ABCC3: variants seen among roughly 807,000 people sequenced by gnomAD.
The protein encoded by ABCC3 is ATP-binding cassette sub-family C member 3.
In ABCC3, 121 loss-of-function variants were observed where a neutral mutation model predicts 165.3. The observed-to-expected ratio is 0.73, with a 90% confidence interval of 0.63 to 0.85. The LOEUF (loss-of-function observed/expected upper bound fraction) is 0.85, where lower values mean the gene tolerates loss of function less well. ABCC3 is among the 40% of genes least tolerant of loss of function. The pLI, the probability that ABCC3 is intolerant of heterozygous loss-of-function variation, is 0.00. For synonymous variants in ABCC3, 733 were observed against 810.1 expected, an observed-to-expected ratio of 0.90 and a Z score of 1.62; for missense variants, 1,869 against 1,964.1, an observed-to-expected ratio of 0.95 and a Z score of 0.92.
Position 50,663,875 on chromosome 17 carries a change from C to T in ABCC3, c.1176+17C>T. 2 of 1,614,152 alleles carry T rather than the reference C, an allele frequency of 1.2e-6. No homozygotes were observed. Among genetic ancestry groups the T allele is most frequent in the East Asian group, 4.5e-5 (2 of 44,884 alleles). ...TACAGGAAGGTCAGCTGGAGCAGGG[C>T]CCAGGGGAAAGGCTGGCCCTGGGCA... On this transcript the variant is annotated intron_variant, in intron 9 of 30. Coordinates refer to ENST00000285238, the MANE Select transcript of ABCC3 (RefSeq NM_003786.4).
rs751830191 is a variant in ABCC3, at chr17:50,684,757, G to T, written c.4162G>T (p.Gly1388Cys). The T allele has an allele frequency of 1.2e-6, 2 of 1,614,106 alleles. No homozygotes were observed. The highest frequency in any genetic ancestry group is 2.2e-5 in the South Asian group (2 of 91,080). Reference protein sequence around the residue: ...GTLRMNLDPFGSYSEEDIWWA... With the variant: ...GTLRMNLDPFCSYSEEDIWWA... ...CCTGCGCATGAACCTGGACCCCTTCGGCAGCTACTCAGAGGAGGACATTTG... is the reference window on the plus strand; with the variant it reads ...CCTGCGCATGAACCTGGACCCCTTCTGCAGCTACTCAGAGGAGGACATTTG... The change falls in exon 29 of 31, where the codon GGC becomes TGC. Residue 1388 changes from glycine (G) to cysteine (C), a missense_variant. Coordinates refer to ENST00000285238, the MANE Select transcript of ABCC3 (RefSeq NM_003786.4).
intron 1 of ABCC3, among the ~76,000 whole-genome samples, chr17:50,653,758 G>GAAA (rs57247095): frequency 3.0e-5 from 4 of 132,302 alleles, no homozygotes; most frequent in Admixed American, 7.6e-5. Flanking sequence ...CATCTCAAAA[G>GAAA]AAAAAAAAAA....
intron 29 of ABCC3, among the ~76,000 whole-genome samples, chr17:50,685,113 A>G (rs951426724): frequency 3.9e-5 from 6 of 152,220 alleles, no homozygotes; most frequent in African/African-American, 1.2e-4. Context: ...ACTGAGGCTC[A>G]GAGATGGTAA....
intron 26 of ABCC3, among the ~76,000 whole-genome samples, chr17:50,682,998 G>A (rs959180779): frequency 6.6e-6 from 1 of 152,106 alleles, no homozygotes; most frequent in African/African-American, 2.4e-5. Context: ...GAGGCTAGGA[G>A]TTCGAGACCA....
Position 50,688,202 on chromosome 17 carries a change from G to A in ABCC3, c.4475+472G>A, listed in dbSNP as rs541463398. ...TGGGATTACAGGCGTGAGCCACTGCGCCCAGCTTCAACAATGACATTTTCT... is the reference window on the plus strand; with the variant it reads ...TGGGATTACAGGCGTGAGCCACTGCACCCAGCTTCAACAATGACATTTTCT... On this transcript the variant is annotated intron_variant, in intron 30 of 30. Transcript: ENST00000285238. 4.6e-5 allele frequency among the ~76,000 whole-genome samples: 7 copies of A among 152,092 alleles called. No individual in the cohort carries two copies. The East Asian group carries it at 5.8e-4, about 13-fold the overall frequency.
rs1967461984 is a variant in ABCC3 at position 50,663,960 on chromosome 17, T to C, written c.1187T>C (p.Ile396Thr). The C allele has an allele frequency of 1.2e-6, 2 of 1,614,160 alleles. No individual in the cohort carries two copies. Among genetic ancestry groups the C allele is most frequent in the Non-Finnish European group, 1.7e-6 (2 of 1,180,038 alleles). The change falls in exon 10 of 31, where the codon ATC becomes ACC. Residue 396 changes from isoleucine to threonine, a missense_variant. By Grantham distance (89) the Ile-to-Thr change is moderately conservative (BLOSUM62 -1). Coordinates refer to ENST00000285238, the MANE Select transcript of ABCC3 (RefSeq NM_003786.4). The part of the protein sequence containing the change: ...MGVIYRKALV[I>T]TNSVKRASTV... ...ACTGTCTACCTGCAGGCTCTGGTTA[T>C]CACCAACTCAGTCAAACGTGCGTCC...
chr17:50,691,334 T>C lies in ABCC3; in HGVS notation c.*134T>C. The stretch of plus-strand genomic sequence containing the variant: ...AAGATTTTGCACCTGTAAAGTGCCT[T>C]ACAGGGTAACTGTGCTGAATGCTTT... On this transcript the variant is annotated 3_prime_UTR_variant, in exon 31 of 31. Transcript: ENST00000285238. The C allele has an allele frequency of 1.5e-6, 1 of 672,602 alleles. No individual in the cohort carries two copies. The highest frequency in any genetic ancestry group is 1.7e-5 in the South Asian group (1 of 58,194). The allele number at this position is 672,602 out of a possible 1,614,324, so 41.7% of individuals were successfully genotyped here. A position where few individuals can be genotyped will look rare whatever the true frequency, so the allele number is the denominator to read the frequency against.
At chr17:50,675,585 G>A in intron 20 of ABCC3, 46 bp from the exon 21 acceptor site, 1 of 1,560,510 alleles carries the variant, frequency 6.4e-7, no homozygotes, top group Non-Finnish European at 8.7e-7. Flanking sequence ...CTGTCCTGGG[G>A]GGTGCTTGAG....
chr17:50,656,032 C>G (rs770387583), intron 2 of ABCC3, 24 bp downstream of exon 2: 1 of 1,605,522 alleles, frequency 6.2e-7, no homozygotes, highest in Admixed American at 1.7e-5. Context: ...GGATCTCCTA[C>G]CGATGGGGCT....
chr17:50,666,471 CA>C (rs367972689), intron 11 of ABCC3, among the ~76,000 whole-genome samples: 2,142 of 148,960 alleles, frequency 0.014, 48 homozygotes, highest in African/African-American at 0.05. Flanking sequence ...AACTCCGTCT[CA>C]AAAAAAAAAG....
At position 50,691,458 on chromosome 17, in the gene ABCC3, G is replaced by A. The variant is rs138342952; in HGVS notation, c.*258G>A. 10 of 400,756 alleles carry A rather than the reference G, an allele frequency of 2.5e-5. No homozygotes were observed. Among genetic ancestry groups the A allele is most frequent in the African/African-American group, 4.0e-5 (2 of 49,736 alleles). The allele number at this position is 400,756 out of a possible 1,614,324, so 24.8% of individuals were successfully genotyped here. On this transcript the variant is annotated 3_prime_UTR_variant, in exon 31 of 31. Coordinates refer to ENST00000285238, the MANE Select transcript of ABCC3 (RefSeq NM_003786.4). The stretch of plus-strand genomic sequence containing the variant: ...CCCCGGTCTCCCGATTCCCAACTGA[G>A]TGTTATTTGCACACTGCACTGTTTT...
intron 8 of ABCC3, among the ~76,000 whole-genome samples, chr17:50,662,653 A>AG (rs1319628510): frequency 6.6e-6 from 1 of 150,450 alleles, no homozygotes; most frequent in Non-Finnish European, 1.5e-5. Flanking sequence ...AAAAAAAAAA[A>AG]AAAAAGAGAG....
Position 50,673,674 on chromosome 17 carries a change from G to C in ABCC3, c.2599+16G>C. On this transcript the variant is annotated intron_variant, in intron 19 of 30. Coordinates refer to ENST00000285238, the MANE Select transcript of ABCC3 (RefSeq NM_003786.4). The stretch of plus-strand genomic sequence containing the variant: ...AGCTGGACCGGTATCTGCCATCCTG[G>C]GCCCTCTGATTCCCATGCCTTCCCA... 6.2e-7 allele frequency: 1 copy of C among 1,613,134 alleles called. No homozygotes were observed. The highest frequency in any genetic ancestry group is 2.2e-5 in the East Asian group (1 of 44,840).
intron 30 of ABCC3, among the ~76,000 whole-genome samples, chr17:50,689,000 A>G (rs1968072457): frequency 6.6e-6 from 1 of 150,940 alleles, no homozygotes; most frequent in Non-Finnish European, 1.5e-5. Context: ...GTCAGAAGTT[A>G]GAGACCAGCC....
rs1407012639 is a variant in ABCC3 at position 50,691,420 on chromosome 17, C to T, written c.*220C>T. On this transcript the variant is annotated 3_prime_UTR_variant, in exon 31 of 31. Transcript: ENST00000285238. ...GCCTAAGGTCACAGCTAGTTTGAGCCAGTTAGACTAGTCCCCGGTCTCCCG... is the reference window on the plus strand; with the variant it reads ...GCCTAAGGTCACAGCTAGTTTGAGCTAGTTAGACTAGTCCCCGGTCTCCCG... 2.0e-6 allele frequency: 1 copy of T among 496,434 alleles called. No individual in the cohort carries two copies. Among genetic ancestry groups the T allele is most frequent in the African/African-American group, 1.9e-5 (1 of 51,884 alleles). 30.8% of individuals were successfully genotyped at this position (496,434 alleles called of 1,614,324 possible). A position where few individuals can be genotyped will look rare whatever the true frequency, so the allele number is the denominator to read the frequency against.
chr17:50,684,640 TG>T, intron 28 of ABCC3, 68 bp from the exon 29 acceptor site: 1 of 1,514,758 alleles, frequency 6.6e-7, no homozygotes, highest in Non-Finnish European at 9.0e-7. Flanking sequence ...TCTTCTTCCC[TG>T]GACCTGGGGC....
chr17:50,686,598 T>G (rs1968026277), intron 29 of ABCC3, among the ~76,000 whole-genome samples: 1 of 152,086 alleles, frequency 6.6e-6, no homozygotes, highest in Non-Finnish European at 1.5e-5. Context: ...TGATCCATTC[T>G]TCTCACCTGC....
intron 25 of ABCC3, chr17:50,679,398 C>T (rs1967888097): frequency 6.2e-6 from 1 of 160,146 alleles, no homozygotes; most frequent in African/African-American, 2.4e-5. Context: ...ATCAAGACTC[C>T]TTGGTACGCA....
intron 1 of ABCC3, among the ~76,000 whole-genome samples, chr17:50,652,595 C>T (rs1053368080): frequency 1.4e-4 from 22 of 152,184 alleles, no homozygotes; most frequent in African/African-American, 5.1e-4. Flanking sequence ...ACTGTGGCCA[C>T]TGTAACTCTT....
Sources: allele counts gnomAD v4.1 joint callset (sites outside exome capture counted in the v4.1 genomes callset), GRCh38; gene constraint gnomAD v4.1.1; transcripts MANE v1.5; gene names NCBI Gene and HGNC (gene_info 2026-07-23, HGNC 2026-07-21).